The following MYH11 variants were observed in gnomAD, a reference collection of about 807,000 sequenced individuals.
MYH11 encodes the protein myosin heavy chain 11.
MYH11 carries 80 observed loss-of-function variants against 246.6 expected under a neutral mutation model. The ratio of observed to expected loss-of-function variants is 0.32; its 90% CI spans 0.27 to 0.39. MYH11 has a LOEUF of 0.39. MYH11 is among the 10% of genes least tolerant of loss of function. The pLI is 1.00. For missense variants in MYH11, 2,158 were observed against 2,546.8 expected (o/e 0.85, Z 3.29); for synonymous variants, 1,071 against 1,015.5 (o/e 1.05, Z -1.04).
Position 15,726,889 on chromosome 16 carries a change from G to T in MYH11, c.3817C>A (p.Arg1273=). 6.2e-7 allele frequency: 1 copy of T among 1,612,170 alleles called. No homozygotes were observed. Among genetic ancestry groups the T allele is most frequent in the Non-Finnish European group, 8.5e-7 (1 of 1,179,990 alleles). Residue 1273 remains arginine (R), a synonymous_variant, in exon 28 of 41, where the codon CGG becomes AGG. Coordinates refer to ENST00000300036, the MANE Select transcript of MYH11 (RefSeq NM_002474.3). ...ELQSKCSDGE[R]ARAELNDKVH... ...TTGTCATTGAGCTCCGCCCGGGCCCGCTCCCCATCGCTGCACTTGGACTGC... is the reference window on the plus strand; with the variant it reads ...TTGTCATTGAGCTCCGCCCGGGCCCTCTCCCCATCGCTGCACTTGGACTGC...
chr16:15,818,004 G>T (rs7205443), intron 3 of MYH11, among the ~76,000 whole-genome samples: 21,105 of 152,128 alleles, frequency 0.14, 1,514 homozygotes, highest in East Asian at 0.15. Flanking sequence ...TATGTGCCAG[G>T]CACCAGAAAA....
chr16:15,728,992 GA>G (rs2040880384), intron 27 of MYH11, among the ~76,000 whole-genome samples: 1 of 152,076 alleles, frequency 6.6e-6, no homozygotes, highest in Non-Finnish European at 1.5e-5. Context: ...AGTATCCCGA[GA>G]GGACGAGACC....
chr16:15,733,044 C>G, intron 26 of MYH11: 1 of 388,204 alleles, frequency 2.6e-6, no homozygotes, highest in Non-Finnish European at 4.8e-6. Context: ...TATGCCAGGC[C>G]CTGAGCTAAG....
Position 15,757,835 on chromosome 16 carries a change from C to G in MYH11, c.1567G>C (p.Glu523Gln), listed in dbSNP as rs1555562770. ...GCCCACGTGCCCCTCACCGGTCGCT[C>G]GATGAGCTCGATGCAGGGCTGTAGG... ...LDLQPCIELI[E>Q]RPNNPPGVLA... Residue 523 changes from glutamate to glutamine, a missense_variant, in exon 13 of 41, where the codon GAG becomes CAG. Physicochemically the swap from Glu to Gln is conservative, Grantham distance 29. Around this residue, in one of 11 missense-constraint regions of MYH11, gnomAD observed 317 missense variants for 507.7 expected, o/e 0.62. Coordinates refer to ENST00000300036, the MANE Select transcript of MYH11 (RefSeq NM_002474.3). 6.2e-7 allele frequency: 1 copy of G among 1,614,042 alleles called. No individual in the cohort carries two copies. Among genetic ancestry groups the G allele is most frequent in the Non-Finnish European group, 8.5e-7 (1 of 1,180,048 alleles).
chr16:15,707,624 T>C (rs1366321314), intron 40 of MYH11, among the ~76,000 whole-genome samples: 3 of 152,180 alleles, frequency 2.0e-5, no homozygotes, highest in South Asian at 4.1e-4. Flanking sequence ...AAAATGAAGA[T>C]GGACACAAAT....
At chr16:15,710,606 AT>A (rs1329963512) in intron 40 of MYH11, among the ~76,000 whole-genome samples, 2 of 152,100 alleles carry the variant, frequency 1.3e-5, no homozygotes, top group Middle Eastern at 3.2e-3. Context: ...GAGTGGCTGT[AT>A]CCCCATCGCT....
intron 29 of MYH11, 43 bp from the exon 30 acceptor site, chr16:15,724,842 G>T (rs572224631): frequency 6.2e-7 from 1 of 1,613,678 alleles, no homozygotes; most frequent in Admixed American, 1.7e-5. Context: ...CTGCCCCGAG[G>T]AAGGCCACCC....
rs148478343 is a variant in MYH11 at position 15,852,396 on chromosome 16, G to T, written c.-18+4545C>A. Among the ~76,000 whole-genome samples, 32 of 144,194 alleles carry T rather than the reference G, an allele frequency of 2.2e-4. No homozygotes were observed. The East Asian group carries it at 4.8e-3, about 21-fold the overall frequency. 94.6% of individuals were successfully genotyped at this position (144,194 alleles called of 152,430 possible). A position where few individuals can be genotyped will look rare whatever the true frequency, so the allele number is the denominator to read the frequency against. ...TGCCCAGGCTGGAGTGCAGTGGTGT[G>T]ATCTCGGCTCAATGCAACCTCTGCC... On this transcript the variant is annotated intron_variant, in intron 1 of 40. Transcript: ENST00000300036.
intron 31 of MYH11, 31 bp downstream of exon 31, chr16:15,724,130 G>A (rs1275000069): frequency 6.2e-7 from 1 of 1,611,672 alleles, no homozygotes; most frequent in Non-Finnish European, 8.5e-7. Flanking sequence ...AGCGTCCATG[G>A]CCAGAGTGGG....
intron 3 of MYH11, among the ~76,000 whole-genome samples, chr16:15,803,896 AAC>A (rs1214459672): frequency 1.3e-5 from 2 of 152,116 alleles, no homozygotes; most frequent in East Asian, 1.9e-4. Context: ...TCCCATCAAA[AAC>A]ACACCACTTC....
intron 1 of MYH11, among the ~76,000 whole-genome samples, chr16:15,842,240 G>A (rs763329376): frequency 2.0e-5 from 3 of 152,076 alleles, no homozygotes; most frequent in Non-Finnish European, 4.4e-5. Flanking sequence ...ACGAAAAGTT[G>A]CTGGGCGTGG....
At chr16:15,839,904 A>G (rs977201648) in intron 1 of MYH11, among the ~76,000 whole-genome samples, 1 of 152,006 alleles carries the variant, frequency 6.6e-6, no homozygotes, top group Non-Finnish European at 1.5e-5. Flanking sequence ...TACAAAAATT[A>G]GCCGGGCATG....
intron 8 of MYH11, among the ~76,000 whole-genome samples, chr16:15,773,290 A>ATTTTTTTT (rs34265896): frequency 7.8e-6 from 1 of 128,666 alleles, no homozygotes; most frequent in Non-Finnish European, 1.6e-5. Context: ...TCCTCCAGCT[A>ATTTTTTTT]TTTTTTTTTT....
chr16:15,776,260 A>C, intron 7 of MYH11, 84 bp from the exon 8 acceptor site: 1 of 896,420 alleles, frequency 1.1e-6, no homozygotes, highest in South Asian at 1.3e-5. Context: ...CACCCAATTC[A>C]CATGGGATGA....
chr16:15,775,645 G>A (rs1317493596), intron 8 of MYH11, among the ~76,000 whole-genome samples: 1 of 152,228 alleles, frequency 6.6e-6, no homozygotes, highest in Non-Finnish European at 1.5e-5. Flanking sequence ...GGCAAAACAT[G>A]TATAATGAAA....
chr16:15,776,452 A>G lies in MYH11; in HGVS notation c.791-276T>C, dbSNP rs57038077. Among the ~76,000 whole-genome samples, 31,813 of 152,156 alleles carry G rather than the reference A, an allele frequency of 0.21. 3,533 individuals are homozygous for G. The highest frequency in any genetic ancestry group is 0.26 in the Middle Eastern group (75 of 294). On this transcript the variant is annotated intron_variant, in intron 7 of 40. Transcript: ENST00000300036. ...GGTAATGGTAACGAGATGTTCCCCT[A>G]ACAGCCATCACCAGCAAATCTTCTT...
At chr16:15,822,528 A>C (rs994043020) in intron 3 of MYH11, among the ~76,000 whole-genome samples, 4 of 152,058 alleles carry the variant, frequency 2.6e-5, no homozygotes, top group African/African-American at 9.7e-5. Context: ...AAAACAAAAC[A>C]AAACAAAAAC....
intron 1 of MYH11, among the ~76,000 whole-genome samples, chr16:15,855,242 G>C (rs767368179): frequency 6.6e-6 from 1 of 152,200 alleles, no homozygotes; most frequent in Non-Finnish European, 1.5e-5. Context: ...TCTCGGCATG[G>C]CAGCCCACCT....
intron 2 of MYH11, among the ~76,000 whole-genome samples, chr16:15,829,441 C>T (rs562988417): frequency 3.9e-4 from 59 of 152,284 alleles, no homozygotes; most frequent in African/African-American, 1.3e-3. Flanking sequence ...TGCAGGCAGC[C>T]GCACATCTCA....
Sources: allele counts gnomAD v4.1 joint callset (sites outside exome capture counted in the v4.1 genomes callset), GRCh38; gene constraint gnomAD v4.1.1; regional missense constraint gnomAD v4.1.1; transcripts MANE v1.5; gene names NCBI Gene and HGNC (gene_info 2026-07-23, HGNC 2026-07-21).